Variants in SLC9A3 observed in about 807,000 individuals in gnomAD.
The protein encoded by SLC9A3 is solute carrier family 9 member A3.
SLC9A3 carries 37 observed loss-of-function variants against 86.8 expected under a neutral mutation model. That is an observed-to-expected ratio of 0.43 (90% CI 0.33 to 0.56). SLC9A3 has a LOEUF of 0.56. SLC9A3 is among the 20% of genes least tolerant of loss of function. The pLI, the probability that SLC9A3 is intolerant of heterozygous loss-of-function variation, is 0.06. For synonymous variants in SLC9A3, 581 were observed against 528.3 expected (o/e 1.10, Z -1.37); for missense variants, 1,011 against 1,171.9 (o/e 0.86, Z 2.00).
At chr5:502,049 C>T (rs180822364) in intron 1 of SLC9A3, among the ~76,000 whole-genome samples, 11 of 152,374 alleles carry the variant, frequency 7.2e-5, no homozygotes, top group Admixed American at 2.6e-4. Flanking sequence ...AGTCACAAGG[C>T]GTTTTACACA....
intron 8 of SLC9A3, among the ~76,000 whole-genome samples, 180 bp from the exon 9 acceptor site, chr5:481,815 A>AC (rs1394331707): frequency 5.3e-5 from 1 of 18,964 alleles, no homozygotes; most frequent in African/African-American, 2.2e-4. Flanking sequence ...GCCCTCCGCC[A>AC]CCCCCCAAGC....
At chr5:517,518 T>G (rs1733765517) in intron 1 of SLC9A3, among the ~76,000 whole-genome samples, 1 of 147,652 alleles carries the variant, frequency 6.8e-6, no homozygotes, top group African/African-American at 2.5e-5. Flanking sequence ...AGCTATCCAT[T>G]CACTCATCCA....
chr5:484,511 G>A lies in SLC9A3; in HGVS notation c.932+9C>T. 6.2e-7 allele frequency: 1 copy of A among 1,610,944 alleles called. No individual in the cohort carries two copies. Among genetic ancestry groups the A allele is most frequent in the Non-Finnish European group, 8.5e-7 (1 of 1,178,820 alleles). ...CGTGGAGAAGCTCGCGTGTGTGGGA[G>A]GGACTCACGCGAGGATGGCCGACAG... On this transcript the variant is annotated intron_variant, in intron 5 of 16. Transcript: ENST00000264938.
intron 1 of SLC9A3, among the ~76,000 whole-genome samples, chr5:522,759 A>T (rs376942500): frequency 2.6e-5 from 4 of 152,134 alleles, no homozygotes; most frequent in African/African-American, 9.6e-5. Context: ...AAAAAAAGAA[A>T]AAAAAAGAAA....
intron 1 of SLC9A3, among the ~76,000 whole-genome samples, chr5:503,076 T>A (rs1740379619): frequency 6.6e-6 from 1 of 152,112 alleles, no homozygotes; most frequent in Non-Finnish European, 1.5e-5. Flanking sequence ...AAATAGAACT[T>A]ATCAAAGAGA....
intron 1 of SLC9A3, among the ~76,000 whole-genome samples, chr5:505,024 C>A: frequency 6.6e-6 from 1 of 151,828 alleles, no homozygotes. Flanking sequence ...TTTCCCTGTG[C>A]AAATGGGAAA....
intron 9 of SLC9A3, chr5:480,239 C>A: frequency 2.6e-6 from 1 of 382,326 alleles, no homozygotes; most frequent in Non-Finnish European, 4.8e-6. Context: ...CCTGGTCAGG[C>A]AAGGGGGCTT....
In SLC9A3 at chr5:483,232, TCCCACGGCCG is replaced by T. The variant is rs1273233541; in HGVS notation, c.1153+20_1153+29del. 1.4e-5 allele frequency: 21 copies of T among 1,493,724 alleles called. No homozygotes were observed. Among genetic ancestry groups the T allele is most frequent in the African/African-American group, 2.8e-5 (2 of 71,550 alleles). The allele number at this position is 1,493,724 out of a possible 1,614,324, so 92.5% of individuals were successfully genotyped here. On this transcript the variant is annotated intron_variant, in intron 6 of 16. Coordinates refer to ENST00000264938, the MANE Select transcript of SLC9A3 (RefSeq NM_004174.4). Reference sequence around the variant, plus strand: ...GGAGACGGTGCCGGCCCATCGGTGGTCCCACGGCCGCAACCCGGCCCCGCCTCACCGATGG... The same window carrying T: ...GGAGACGGTGCCGGCCCATCGGTGGTCAACCCGGCCCCGCCTCACCGATGG...
intron 3 of SLC9A3, among the ~76,000 whole-genome samples, chr5:487,002 C>T (rs537949513): frequency 3.2e-4 from 13 of 40,248 alleles, no homozygotes; most frequent in Middle Eastern, 0.022. Flanking sequence ...GCACTGACAC[C>T]GTGATCCAGA....
chr5:477,454 G>C lies in SLC9A3; in HGVS notation c.1648-10C>G. On this transcript the variant is annotated splice_polypyrimidine_tract_variant and intron_variant, in intron 10 of 16. Coordinates refer to ENST00000264938, the MANE Select transcript of SLC9A3 (RefSeq NM_004174.4). ...ACCCGCGGCGCTCTCCCTGTGGTCAGGAAGCAGCCCGGTCAGTGGCCTGAG... is the reference window on the plus strand; with the variant it reads ...ACCCGCGGCGCTCTCCCTGTGGTCACGAAGCAGCCCGGTCAGTGGCCTGAG... 6.2e-7 allele frequency: 1 copy of C among 1,603,656 alleles called. No individual in the cohort carries two copies. The highest frequency in any genetic ancestry group is 8.5e-7 in the Non-Finnish European group (1 of 1,172,964).
At chr5:488,278 C>A (rs372911384) in intron 3 of SLC9A3, 38 bp downstream of exon 3, 1 of 1,606,536 alleles carries the variant, frequency 6.2e-7, no homozygotes, top group South Asian at 1.1e-5. Context: ...AGGCCTCCCA[C>A]GGCTCGCCCG....
intron 1 of SLC9A3, among the ~76,000 whole-genome samples, chr5:500,700 C>T (rs58630548): frequency 1.0e-5 from 1 of 95,914 alleles, no homozygotes; most frequent in African/African-American, 5.5e-5. Context: ...GTGGATGGGG[C>T]CAGTGTGGAT....
At position 524,415 on chromosome 5, in the gene SLC9A3, C is replaced by A; in HGVS notation, c.-93G>T. On this transcript the variant is annotated 5_prime_UTR_variant, in exon 1 of 17. Coordinates refer to ENST00000264938, the MANE Select transcript of SLC9A3 (RefSeq NM_004174.4). ...CGCGGGGCTGGGACCCGGCGAGGACCCGGCGCGCTCCGGTGCCGGTACCGG... is the reference window on the plus strand; with the variant it reads ...CGCGGGGCTGGGACCCGGCGAGGACACGGCGCGCTCCGGTGCCGGTACCGG... 2.5e-6 allele frequency: 1 copy of A among 401,806 alleles called. No individual in the cohort carries two copies. The highest frequency in any genetic ancestry group is 8.4e-4 in the Middle Eastern group (1 of 1,190). The allele number at this position is 401,806 out of a possible 1,614,324, so 24.9% of individuals were successfully genotyped here. A position where few individuals can be genotyped will look rare whatever the true frequency, so the allele number is the denominator to read the frequency against.
intron 1 of SLC9A3, among the ~76,000 whole-genome samples, chr5:512,287 C>A (rs58567876): frequency 7.1e-6 from 1 of 141,790 alleles, no homozygotes; most frequent in East Asian, 2.0e-4. Context: ...CAAGAACGAG[C>A]CCTAACGTAA....
intron 1 of SLC9A3, among the ~76,000 whole-genome samples, chr5:523,312 T>C (rs1733939943): frequency 6.6e-6 from 1 of 151,880 alleles, no homozygotes. Context: ...CGAAACCTCC[T>C]CTCGCCCCAG....
At chr5:501,796 C>T (rs564292794) in intron 1 of SLC9A3, among the ~76,000 whole-genome samples, 160 of 152,348 alleles carry the variant, frequency 1.1e-3, no homozygotes, top group Non-Finnish European at 1.8e-3. Flanking sequence ...AAGGTGCTCA[C>T]GGAGGTCCGC....
chr5:473,108 C>G lies in SLC9A3; in HGVS notation c.*271G>C. 1 of 182,140 alleles carries G rather than the reference C, an allele frequency of 5.5e-6. No individual in the cohort carries two copies. 11.3% of individuals were successfully genotyped at this position (182,140 alleles called of 1,614,324 possible). A position where few individuals can be genotyped will look rare whatever the true frequency, so the allele number is the denominator to read the frequency against. On this transcript the variant is annotated 3_prime_UTR_variant, in exon 17 of 17. Transcript: ENST00000264938. ...GGCTGTGCACGCGGCGCGCCGCCGC[C>G]GAACGCGCGTGCGCACTCGGCAGCC...
chr5:516,241 T>C (rs1733729825), intron 1 of SLC9A3, among the ~76,000 whole-genome samples: 1 of 150,960 alleles, frequency 6.6e-6, no homozygotes, highest in African/African-American at 2.4e-5. Flanking sequence ...CATGGGATAT[T>C]TGGGTCTCAT....
At chr5:510,617 G>A (rs1212630799) in intron 1 of SLC9A3, among the ~76,000 whole-genome samples, 2 of 152,262 alleles carry the variant, frequency 1.3e-5, no homozygotes, top group East Asian at 1.9e-4. Flanking sequence ...CATGCCCAGT[G>A]CATTTTCAGG....
Sources: allele counts gnomAD v4.1 joint callset (sites outside exome capture counted in the v4.1 genomes callset), GRCh38; gene constraint gnomAD v4.1.1; transcripts MANE v1.5; gene names NCBI Gene and HGNC (gene_info 2026-07-23, HGNC 2026-07-21).